The following RAB5B variants were observed in gnomAD, a reference collection of about 807,000 sequenced individuals.
The protein encoded by RAB5B is ras-related protein Rab-5B.
Under a neutral mutation model 28.6 loss-of-function variants are expected in RAB5B, and 11 were observed. That is an observed-to-expected ratio of 0.38 (90% CI 0.24 to 0.64). The LOEUF (loss-of-function observed/expected upper bound fraction) is 0.64. RAB5B is among the 30% of genes least tolerant of loss of function. The pLI, the probability that RAB5B is intolerant of heterozygous loss-of-function variation, is 0.53. For synonymous variants in RAB5B, 93 were observed against 97.9 expected (o/e 0.95, Z 0.29); for missense variants, 169 against 265.6 (o/e 0.64, Z 2.53).
In RAB5B at chr12:55,992,501, A is replaced by C; in HGVS notation, c.*289A>C. ...TCACTTTGTATTATAGGTACAAGAC[A>C]GCGACTTACGTATCTTTTCTCCTCC... On this transcript the variant is annotated 3_prime_UTR_variant, in exon 6 of 6. Transcript: ENST00000360299. 1 of 574,624 alleles carries C rather than the reference A, an allele frequency of 1.7e-6. No individual in the cohort carries two copies. The highest frequency in any genetic ancestry group is 3.3e-6 in the Non-Finnish European group (1 of 303,908). 35.6% of individuals were successfully genotyped at this position (574,624 alleles called of 1,614,324 possible).
intron 1 of RAB5B, among the ~76,000 whole-genome samples, chr12:55,978,893 C>T (rs572155156): frequency 6.6e-6 from 1 of 152,024 alleles, no homozygotes; most frequent in African/African-American, 2.4e-5. Context: ...ATGTCTCAGC[C>T]TCCTGGGTAA....
At chr12:55,978,691 AAAG>A (rs1889714646) in intron 1 of RAB5B, among the ~76,000 whole-genome samples, 1 of 152,186 alleles carries the variant, frequency 6.6e-6, no homozygotes, top group Non-Finnish European at 1.5e-5. Flanking sequence ...TCCCACTTTT[AAAG>A]AAGTTCATAG....
At chr12:55,982,522 G>GACCTCTCAAACACCAGAGTGA (rs1889838209) in intron 1 of RAB5B, among the ~76,000 whole-genome samples, 1 of 151,900 alleles carries the variant, frequency 6.6e-6, no homozygotes, top group South Asian at 2.1e-4. Context: ...TCAAACTCCT[G>GACCTCTCAAACACCAGAGTGA]GGCTCAAGTG....
At chr12:55,975,897 G>A (rs865938341) in intron 1 of RAB5B, among the ~76,000 whole-genome samples, 5 of 148,956 alleles carry the variant, frequency 3.4e-5, no homozygotes, top group African/African-American at 1.2e-4. Flanking sequence ...GACTACAGGC[G>A]TGCGCCACCA....
intron 1 of RAB5B, among the ~76,000 whole-genome samples, chr12:55,986,378 C>T (rs1282592410): frequency 6.6e-6 from 1 of 152,012 alleles, no homozygotes; most frequent in Non-Finnish European, 1.5e-5. Context: ...ACCCGGGAGG[C>T]AGAGGTTGTG....
rs1195397287 is a variant in RAB5B at position 55,994,983 on chromosome 12, T to C, written c.*2771T>C. ...AACCCTATTATATCTTTTTAGGCCC[T>C]CTTAACAGAATGTATATGTGTAGGG... On this transcript the variant is annotated 3_prime_UTR_variant, in exon 6 of 6. Transcript: ENST00000360299. 6.6e-6 allele frequency: 1 copy of C among 152,180 alleles called. No homozygotes were observed. The highest frequency in any genetic ancestry group is 2.4e-5 in the African/African-American group (1 of 41,448). The allele number at this position is 152,180 out of a possible 1,614,324, so 9.4% of individuals were successfully genotyped here. A position where few individuals can be genotyped will look rare whatever the true frequency, so the allele number is the denominator to read the frequency against.
rs980175289 is a variant in RAB5B, at chr12:55,993,337, C to G, written c.*1125C>G. The G allele has an allele frequency of 2.0e-5, 3 of 152,624 alleles. No individual in the cohort carries two copies. The highest frequency in any genetic ancestry group is 4.4e-5 in the Non-Finnish European group (3 of 68,046). 9.5% of individuals were successfully genotyped at this position (152,624 alleles called of 1,614,324 possible). A position where few individuals can be genotyped will look rare whatever the true frequency, so the allele number is the denominator to read the frequency against. ...ACTACCAGTGGCAGCTACTCAAGTC[C>G]TATCTCCACTGTTAGCTTCCTCCAA... On this transcript the variant is annotated 3_prime_UTR_variant, in exon 6 of 6. Transcript: ENST00000360299.
At chr12:55,986,567 G>A (rs1889956931) in intron 1 of RAB5B, among the ~76,000 whole-genome samples, 2 of 152,232 alleles carry the variant, frequency 1.3e-5, no homozygotes, top group Non-Finnish European at 2.9e-5. Flanking sequence ...ATCACTTTGT[G>A]TGACTCAAAC....
intron 1 of RAB5B, among the ~76,000 whole-genome samples, chr12:55,975,689 C>T (rs1223375780): frequency 6.6e-6 from 1 of 151,760 alleles, no homozygotes; most frequent in African/African-American, 2.4e-5. Flanking sequence ...TAATGGTCTG[C>T]TAGCCTTCTT....
chr12:55,991,235 A>G (rs1890108610), intron 4 of RAB5B, 125 bp from the exon 5 acceptor site: 2 of 677,296 alleles, frequency 3.0e-6, no homozygotes, highest in Non-Finnish European at 5.3e-6. Context: ...TAGCTGGCTC[A>G]AAGGGGTATT....
intron 1 of RAB5B, among the ~76,000 whole-genome samples, chr12:55,983,340 C>G (rs570343958): frequency 2.0e-5 from 3 of 152,138 alleles, no homozygotes; most frequent in South Asian, 4.2e-4. Context: ...GAGACTCTCT[C>G]TAAAAATGGA....
chr12:55,981,144 A>C, intron 1 of RAB5B: 2 of 895,138 alleles, frequency 2.2e-6, no homozygotes, highest in South Asian at 3.2e-5. Flanking sequence ...GCTCACTGCT[A>C]CCTCTGCCTC....
intron 1 of RAB5B, among the ~76,000 whole-genome samples, chr12:55,977,308 A>G (rs1364677323): frequency 2.6e-5 from 4 of 152,054 alleles, no homozygotes; most frequent in South Asian, 2.1e-4. Flanking sequence ...TTTTAATCCT[A>G]TCTAATTTTT....
Position 55,992,944 on chromosome 12 carries a change from G to A in RAB5B, c.*732G>A, listed in dbSNP as rs1165533566. ...AACTGTGGCTCTGTAACTCTTCAAAGGCCCAGTTTCCCCTCACGCAGCCTC... is the reference window on the plus strand; with the variant it reads ...AACTGTGGCTCTGTAACTCTTCAAAAGCCCAGTTTCCCCTCACGCAGCCTC... On this transcript the variant is annotated 3_prime_UTR_variant, in exon 6 of 6. Transcript: ENST00000360299. 4.8e-6 allele frequency: 1 copy of A among 206,974 alleles called. No homozygotes were observed. The highest frequency in any genetic ancestry group is 9.6e-6 in the Non-Finnish European group (1 of 104,390). 12.8% of individuals were successfully genotyped at this position (206,974 alleles called of 1,614,324 possible).
At chr12:55,974,708 G>A (rs1429067766) in intron 1 of RAB5B, among the ~76,000 whole-genome samples, 1 of 152,168 alleles carries the variant, frequency 6.6e-6, no homozygotes, top group Non-Finnish European at 1.5e-5. Context: ...GGGAGAACTG[G>A]GGAAAATGAA....
chr12:55,996,394 T>C lies in RAB5B; in HGVS notation c.*4182T>C, dbSNP rs1215724027. ...AATGACAAAAGGGTAATAGGAAATGTATTATATTTATGCCCCTTACTTTGA... is the reference window on the plus strand; with the variant it reads ...AATGACAAAAGGGTAATAGGAAATGCATTATATTTATGCCCCTTACTTTGA... On this transcript the variant is annotated 3_prime_UTR_variant, in exon 6 of 6. Coordinates refer to ENST00000360299, the MANE Select transcript of RAB5B (RefSeq NM_002868.4). 6.6e-6 allele frequency: 1 copy of C among 152,132 alleles called. No homozygotes were observed. Among genetic ancestry groups the C allele is most frequent in the Non-Finnish European group, 1.5e-5 (1 of 68,032 alleles). 9.4% of individuals were successfully genotyped at this position (152,132 alleles called of 1,614,324 possible).
chr12:55,986,001 T>C (rs1205525485), intron 1 of RAB5B, among the ~76,000 whole-genome samples: 1 of 152,174 alleles, frequency 6.6e-6, no homozygotes, highest in East Asian at 1.9e-4. Context: ...TTTGTGGCAA[T>C]GGGACCCTGG....
At position 55,995,551 on chromosome 12, in the gene RAB5B, G is replaced by A. The variant is rs1256511283; in HGVS notation, c.*3339G>A. 1.3e-5 allele frequency: 2 copies of A among 152,068 alleles called. No individual in the cohort carries two copies. Among genetic ancestry groups the A allele is most frequent in the Non-Finnish European group, 2.9e-5 (2 of 68,014 alleles). 9.4% of individuals were successfully genotyped at this position (152,068 alleles called of 1,614,324 possible). On this transcript the variant is annotated 3_prime_UTR_variant, in exon 6 of 6. Coordinates refer to ENST00000360299, the MANE Select transcript of RAB5B (RefSeq NM_002868.4). ...CTCCTAGTGTACTTCAAACCCTTCA[G>A]TCCACCACAGTCTAAAGGTCGAGGG... is the stretch of plus-strand genomic sequence containing the variant.
At chr12:55,985,792 T>C in intron 1 of RAB5B, 1 of 453,802 alleles carries the variant, frequency 2.2e-6, no homozygotes, top group Non-Finnish European at 4.4e-6. Flanking sequence ...GAGGGTAATC[T>C]AATCCCTAGG....
Sources: allele counts gnomAD v4.1 joint callset (sites outside exome capture counted in the v4.1 genomes callset), GRCh38; gene constraint gnomAD v4.1.1; transcripts MANE v1.5; gene names NCBI Gene and HGNC (gene_info 2026-07-23, HGNC 2026-07-21).